Variants in HIGD1C observed in about 807,000 individuals in gnomAD.
HIGD1C encodes HIG1 hypoxia inducible domain family member 1C.
HIGD1C carries 11 observed loss-of-function variants against 13.1 expected under a neutral mutation model. That is an observed-to-expected ratio of 0.84 (90% CI 0.53 to 1.39). The LOEUF is 1.39. HIGD1C is among the 40% of genes most tolerant of loss of function. HIGD1C has a pLI of 0.00. For synonymous variants in HIGD1C, 36 were observed against 37.7 expected (o/e 0.95, Z 0.17); for missense variants, 110 against 112.0 (o/e 0.98, Z 0.08).
intron 1 of HIGD1C, among the ~76,000 whole-genome samples, chr12:50,960,572 GT>G (rs61606166): frequency 0.18 from 27,851 of 152,090 alleles, 2,913 homozygotes; most frequent in East Asian, 0.5. Flanking sequence ...TTTGAAAAAT[GT>G]TCTTTGCTGG....
chr12:50,931,643 G>A, the HIGD1C span: 204 of 144,664 alleles, frequency 1.4e-3, 1 homozygote, highest in African/African-American at 4.9e-3. Flanking sequence ...CCCAGAAGGC[G>A]AAGGTTGCAG....
chr12:50,951,783 G>A (rs1033919230), upstream of HIGD1C, among the ~76,000 whole-genome samples: 4 of 151,884 alleles, frequency 2.6e-5, no homozygotes, highest in East Asian at 3.9e-4. Flanking sequence ...TTAGCCGGGC[G>A]TGGTGTGGCG....
intron 2 of HIGD1C, among the ~76,000 whole-genome samples, chr12:50,970,201 T>G (rs1244682011): frequency 6.6e-6 from 1 of 152,214 alleles, no homozygotes; most frequent in African/African-American, 2.4e-5. Context: ...CACCAATATT[T>G]TGGTGGCACT....
chr12:50,949,815 G>C (rs1435443807), upstream of HIGD1C, among the ~76,000 whole-genome samples: 1 of 152,086 alleles, frequency 6.6e-6, no homozygotes, highest in Non-Finnish European at 1.5e-5. Context: ...ATTAAGGCGT[G>C]AGCAGTGAGA....
At position 50,958,577 on chromosome 12, in the gene HIGD1C, G is replaced by A. The variant is rs982250013; in HGVS notation, c.95-2391G>A. Among the ~76,000 whole-genome samples the A allele has an allele frequency of 4.6e-5, 7 of 151,330 alleles. No homozygotes were observed. In the South Asian group the frequency reaches 6.3e-4, roughly 14 times the overall value. ...ATTACAGGCGTGAGCCACCGCGCCC[G>A]GCCTAAAATAATCTTTTTTAAAACA... On this transcript the variant is annotated intron_variant, in intron 1 of 2. Transcript: ENST00000398455.
exon 2 of HIGD1C, chr12:50,961,097 C>T (rs1353923733): frequency 1.9e-6 from 3 of 1,613,680 alleles, no homozygotes; most frequent in East Asian, 2.2e-5. Context: ...GGAGCTGTGA[C>T]TCTAGGTAAC....
At chr12:50,970,443 T>C (rs1195395254) in exon 3 of HIGD1C, 6 of 1,451,570 alleles carry the variant, frequency 4.1e-6, no homozygotes, top group Non-Finnish European at 5.7e-6. Context: ...TTTTTCTAGG[T>C]GTTCTCTATT....
downstream of HIGD1C, among the ~76,000 whole-genome samples, chr12:50,972,588 T>C (rs1939788779): frequency 6.6e-6 from 1 of 152,202 alleles, no homozygotes; most frequent in Admixed American, 6.5e-5. Flanking sequence ...GGGTGATTTC[T>C]CCATTTCCAA....
upstream of HIGD1C, among the ~76,000 whole-genome samples, chr12:50,950,039 G>A (rs1938861093): frequency 6.6e-6 from 1 of 152,160 alleles, no homozygotes; most frequent in Non-Finnish European, 1.5e-5. Flanking sequence ...GCAGCCTCTT[G>A]TATTTACTCA....
At chr12:50,961,474 A>C (rs1347136138) in intron 2 of HIGD1C, among the ~76,000 whole-genome samples, 1 of 152,076 alleles carries the variant, frequency 6.6e-6, no homozygotes, top group Non-Finnish European at 1.5e-5. Context: ...TTCCCAGCCT[A>C]TCTGAACAGC....
the HIGD1C span, among the ~76,000 whole-genome samples, chr12:50,942,701 C>A: frequency 6.6e-6 from 1 of 151,986 alleles, no homozygotes; most frequent in African/African-American, 2.4e-5. Flanking sequence ...GACCTCATCT[C>A]TACAAATAAA....
At chr12:50,943,125 A>G in the HIGD1C span, among the ~76,000 whole-genome samples, 2 of 151,854 alleles carry the variant, frequency 1.3e-5, no homozygotes, top group Admixed American at 1.3e-4. Context: ...TCAGCCTCCT[A>G]AAGTGCTGGG....
chr12:50,934,326 G>A, the HIGD1C span, among the ~76,000 whole-genome samples: 2 of 152,232 alleles, frequency 1.3e-5, no homozygotes, highest in African/African-American at 4.8e-5. Context: ...TCCTGGTTGT[G>A]TCATTGGTTG....
At chr12:50,966,519 C>T (rs1939546381) in intron 2 of HIGD1C, among the ~76,000 whole-genome samples, 1 of 152,196 alleles carries the variant, frequency 6.6e-6, no homozygotes, top group Non-Finnish European at 1.5e-5. Context: ...CACCTCCACA[C>T]CCTCAGTTGT....
At chr12:50,959,122 T>A (rs958280093) in intron 1 of HIGD1C, among the ~76,000 whole-genome samples, 1 of 152,148 alleles carries the variant, frequency 6.6e-6, no homozygotes, top group African/African-American at 2.4e-5. Context: ...ATATCCTCTT[T>A]TTTATTTTTT....
chr12:50,931,252 T>C, the HIGD1C span: 13 of 152,210 alleles, frequency 8.5e-5, no homozygotes, highest in African/African-American at 2.9e-4. Flanking sequence ...CTTTGAGAGC[T>C]TGGTAATAAG....
intron 1 of HIGD1C, among the ~76,000 whole-genome samples, chr12:50,959,617 A>G (rs1251000238): frequency 6.6e-6 from 1 of 151,872 alleles, no homozygotes; most frequent in Admixed American, 6.6e-5. Flanking sequence ...TTATTCCAGT[A>G]TCTGGGTTTA....
the HIGD1C span, among the ~76,000 whole-genome samples, chr12:50,944,972 C>T: frequency 6.6e-6 from 1 of 152,076 alleles, no homozygotes; most frequent in African/African-American, 2.4e-5. Flanking sequence ...ATAAACAGAA[C>T]CAAAGACAAA....
intron 1 of HIGD1C, among the ~76,000 whole-genome samples, chr12:50,957,477 G>A (rs1939142588): frequency 6.6e-6 from 1 of 151,706 alleles, no homozygotes; most frequent in South Asian, 2.1e-4. Flanking sequence ...GGGATTACAG[G>A]AATGAGCCAC....
Sources: gnomAD v4.1 joint callset for allele counts (sites outside exome capture counted in the v4.1 genomes callset) on GRCh38, gnomAD v4.1.1 for gene constraint, MANE v1.5 for transcripts, NCBI Gene and HGNC (gene_info 2026-07-23, HGNC 2026-07-21) for gene names.